The following CABIN1 variants were observed in gnomAD, a reference collection of about 807,000 sequenced individuals.
CABIN1 encodes calcineurin binding protein 1, also known as calcineurin-binding protein cabin-1.
CABIN1 carries 133 observed loss-of-function variants against 227.7 expected under a neutral mutation model. The ratio of observed to expected loss-of-function variants is 0.58; its 90% CI spans 0.51 to 0.67. The LOEUF (loss-of-function observed/expected upper bound fraction) is 0.67, where lower values mean the gene tolerates loss of function less well. Among genes scored for constraint, CABIN1 ranks in the 30% least tolerant of loss-of-function variants. The pLI is 0.00. For missense variants in CABIN1, 2,408 were observed against 2,852.5 expected (o/e 0.84, Z 3.55); for synonymous variants, 1,086 against 1,155.1 (o/e 0.94, Z 1.21).
intron 29 of CABIN1, among the ~76,000 whole-genome samples, chr22:24,141,600 C>G (rs1224235153): frequency 6.6e-6 from 1 of 152,144 alleles, no homozygotes; most frequent in African/African-American, 2.4e-5. Flanking sequence ...TGCCCCACCC[C>G]CTCCCAGGAC....
intron 23 of CABIN1, among the ~76,000 whole-genome samples, chr22:24,090,728 T>A (rs2147203418): frequency 6.6e-6 from 1 of 152,186 alleles, no homozygotes; most frequent in Admixed American, 6.5e-5. Context: ...CAGAGACTAG[T>A]GCCTGCAGAC....
At chr22:24,083,420 G>C (rs1170828423) in intron 20 of CABIN1, 31 bp downstream of exon 20, 4 of 1,612,866 alleles carry the variant, frequency 2.5e-6, no homozygotes, top group Non-Finnish European at 3.4e-6. Context: ...CCAACAAAGA[G>C]GGAAGCAGGA....
chr22:24,130,949 C>G (rs1250308800), intron 28 of CABIN1, among the ~76,000 whole-genome samples: 1 of 152,204 alleles, frequency 6.6e-6, no homozygotes, highest in Admixed American at 6.5e-5. Flanking sequence ...TCTCCCACTG[C>G]CTTCTCCCTT....
intron 23 of CABIN1, among the ~76,000 whole-genome samples, chr22:24,090,423 A>G (rs567898666): frequency 6.6e-6 from 1 of 151,844 alleles, no homozygotes; most frequent in Admixed American, 6.6e-5. Context: ...AGGGGATGTG[A>G]TGGAGTCACT....
At position 24,032,445 on chromosome 22, in the gene CABIN1, A is replaced by G. The variant is rs191097812; in HGVS notation, c.-74-2999A>G. ...CTATTGTGATAATGCTGCTATGAACATGAGTGTACAAGTGTCTGTTCAAGT... is the reference window on the plus strand; with the variant it reads ...CTATTGTGATAATGCTGCTATGAACGTGAGTGTACAAGTGTCTGTTCAAGT... On this transcript the variant is annotated intron_variant, in intron 1 of 36. Transcript: ENST00000263119. Among the ~76,000 whole-genome samples, 77 of 152,332 alleles carry G rather than the reference A, an allele frequency of 5.1e-4. 1 individual carries two copies. Among genetic ancestry groups the G allele is most frequent in the Admixed American group, 2.2e-3 (34 of 15,306 alleles).
chr22:24,059,458 G>A (rs2039036395), intron 11 of CABIN1, 95 bp downstream of exon 11: 4 of 1,491,040 alleles, frequency 2.7e-6, no homozygotes, highest in South Asian at 2.4e-5. Flanking sequence ...ATGGTTCTGG[G>A]GTGTTTTTTA....
chr22:24,120,569 C>G (rs1281301507), intron 28 of CABIN1, among the ~76,000 whole-genome samples: 1 of 152,178 alleles, frequency 6.6e-6, no homozygotes, highest in Admixed American at 6.5e-5. Context: ...CGCCTGTAAT[C>G]CCAGCACTTT....
rs2147330357 is a variant in CABIN1, at chr22:24,095,977, C to T, written c.3833C>T (p.Pro1278Leu). The T allele has an allele frequency of 1.9e-6, 3 of 1,614,036 alleles. No homozygotes were observed. Among genetic ancestry groups the T allele is most frequent in the Non-Finnish European group, 2.5e-6 (3 of 1,180,002 alleles). The change falls in exon 25 of 37, where the codon CCC (proline) becomes CTC (leucine). Residue 1278 changes from proline to leucine, a missense_variant. Physicochemically the swap from Pro to Leu is moderately conservative, Grantham distance 98. Coordinates refer to ENST00000263119, the MANE Select transcript of CABIN1 (RefSeq NM_012295.4). ...TCCATCCTGAAGCTCCTGGGGAAGC[C>T]CGATTCTGGGGTTGGTGCAGAGGTC... Reference protein sequence around the residue: ...HASILKLLGKPDSGVGAEVLV... With the variant: ...HASILKLLGKLDSGVGAEVLV...
chr22:24,084,886 C>T (rs983373669), intron 21 of CABIN1, 101 bp downstream of exon 21: 1 of 1,562,920 alleles, frequency 6.4e-7, no homozygotes, highest in African/African-American at 1.4e-5. Flanking sequence ...CTGCTCTGTA[C>T]CAGACTGAGG....
chr22:24,012,393 G>A (rs1410962135), intron 1 of CABIN1, among the ~76,000 whole-genome samples: 2 of 152,090 alleles, frequency 1.3e-5, no homozygotes, highest in Non-Finnish European at 2.9e-5. Context: ...GGGTGGGCTG[G>A]TTAGCTTGCA....
intron 23 of CABIN1, 106 bp downstream of exon 23, chr22:24,087,819 TC>T: frequency 7.0e-7 from 1 of 1,428,806 alleles, no homozygotes; most frequent in Non-Finnish European, 9.7e-7. Context: ...TGTCCACACA[TC>T]CATGCTGGGA....
At chr22:24,012,416 A>C (rs1163781460) in intron 1 of CABIN1, among the ~76,000 whole-genome samples, 1 of 152,102 alleles carries the variant, frequency 6.6e-6, no homozygotes, top group African/African-American at 2.4e-5. Flanking sequence ...ACCCTCATCT[A>C]GTACAAAGCC....
intron 4 of CABIN1, 105 bp downstream of exon 4, chr22:24,038,566 A>G (rs952217743): frequency 9.4e-5 from 74 of 791,020 alleles, no homozygotes; most frequent in Non-Finnish European, 1.4e-4. Flanking sequence ...TTGGCTGGGG[A>G]ACCTTGAAAA....
rs150910963 is a variant in CABIN1 at position 24,045,419 on chromosome 22, G to A, written c.526+2335G>A. Among the ~76,000 whole-genome samples, 4 of 152,122 alleles carry A rather than the reference G, an allele frequency of 2.6e-5. 1 individual carries two copies. In the East Asian group the frequency reaches 7.7e-4, roughly 29 times the overall value. On this transcript the variant is annotated intron_variant, in intron 6 of 36. Coordinates refer to ENST00000263119, the MANE Select transcript of CABIN1 (RefSeq NM_012295.4). ...GCTTGAGCCCAGAAGTTCAAGAACA[G>A]CCTGGGCAAGATAGTGAAACCCCAT...
chr22:24,141,218 A>C (rs1422261559), intron 29 of CABIN1, among the ~76,000 whole-genome samples: 10 of 152,232 alleles, frequency 6.6e-5, no homozygotes, highest in Non-Finnish European at 1.5e-4. Flanking sequence ...TGAATGGAGC[A>C]GCCTGAGATG....
intron 33 of CABIN1, among the ~76,000 whole-genome samples, chr22:24,171,388 C>T (rs1033492207): frequency 2.0e-5 from 3 of 152,200 alleles, no homozygotes; most frequent in Non-Finnish European, 2.9e-5. Context: ...GGACATAATC[C>T]TCCCAGACTG....
At chr22:24,090,538 T>C (rs933024344) in intron 23 of CABIN1, among the ~76,000 whole-genome samples, 21 of 143,306 alleles carry the variant, frequency 1.5e-4, no homozygotes, top group African/African-American at 4.4e-4. Flanking sequence ...TTTTTTTTTT[T>C]CCTGAGAAGT....
intron 19 of CABIN1, among the ~76,000 whole-genome samples, chr22:24,078,229 G>A (rs554239506): frequency 4.2e-4 from 64 of 152,188 alleles, no homozygotes; most frequent in African/African-American, 1.5e-3. Flanking sequence ...CTGGGACCAG[G>A]GACCTTTTCT....
At chr22:24,093,369 G>A (rs2041676729) in intron 24 of CABIN1, among the ~76,000 whole-genome samples, 1 of 151,582 alleles carries the variant, frequency 6.6e-6, no homozygotes, top group South Asian at 2.1e-4. Context: ...TGACCAATAT[G>A]GTGAAACCTT....
Sources: allele counts gnomAD v4.1 joint callset (sites outside exome capture counted in the v4.1 genomes callset), GRCh38; gene constraint gnomAD v4.1.1; transcripts MANE v1.5; gene names NCBI Gene and HGNC (gene_info 2026-07-23, HGNC 2026-07-21).